Variants in CDK14 observed in about 807,000 individuals in gnomAD.
CDK14 encodes cyclin-dependent kinase 14.
A neutral mutation model predicts 60.7 loss-of-function variants in CDK14; 34 were observed. That is an observed-to-expected ratio of 0.56 (90% confidence interval 0.43 to 0.75). The LOEUF (loss-of-function observed/expected upper bound fraction) is 0.75. Among genes scored for constraint, CDK14 ranks in the 30% least tolerant of loss-of-function variants. CDK14 has a pLI of 0.00. For missense variants in CDK14, 482 were observed against 564.1 expected (o/e 0.85, Z 1.47); for synonymous variants, 197 against 203.7 (o/e 0.97, Z 0.28).
intron 5 of CDK14, among the ~76,000 whole-genome samples, chr7:90,853,237 T>C (rs1790708009): frequency 6.6e-6 from 1 of 152,180 alleles, no homozygotes. Context: ...TGAAAAACTT[T>C]GTTGGCTGAC....
chr7:90,970,736 T>C (rs1011838225), intron 9 of CDK14, among the ~76,000 whole-genome samples: 3 of 152,232 alleles, frequency 2.0e-5, no homozygotes, highest in African/African-American at 4.8e-5. Context: ...CCATGGAGAC[T>C]GCTGGAGTTC....
At chr7:90,954,398 A>G (rs1794346632) in intron 8 of CDK14, among the ~76,000 whole-genome samples, 1 of 152,138 alleles carries the variant, frequency 6.6e-6, no homozygotes, top group East Asian at 1.9e-4. Flanking sequence ...AATACTTTAT[A>G]CTTGTCACTA....
At chr7:90,650,320 G>A (rs1800603773) in intron 2 of CDK14, among the ~76,000 whole-genome samples, 1 of 149,486 alleles carries the variant, frequency 6.7e-6, no homozygotes, top group African/African-American at 2.4e-5. Context: ...TTTTTTTCTT[G>A]TAAATTTGTT....
chr7:90,609,505 G>T (rs1230462455), intron 2 of CDK14, among the ~76,000 whole-genome samples: 1 of 152,126 alleles, frequency 6.6e-6, no homozygotes, highest in Non-Finnish European at 1.5e-5. Flanking sequence ...GGGAATTCTT[G>T]TGAGAGCTGG....
At chr7:91,070,916 A>G (rs923710236) in intron 11 of CDK14, among the ~76,000 whole-genome samples, 2 of 152,328 alleles carry the variant, frequency 1.3e-5, no homozygotes, top group Admixed American at 6.5e-5. Flanking sequence ...ACATAAATAG[A>G]TAAGTATTAA....
At position 90,712,742 on chromosome 7, in the gene CDK14, C is replaced by T. The variant is rs148765822; in HGVS notation, c.124-13825C>T. Among the ~76,000 whole-genome samples the T allele has an allele frequency of 3.7e-3, 568 of 152,128 alleles. 9 individuals are homozygous for T. Among genetic ancestry groups the T allele is most frequent in the African/African-American group, 0.013 (540 of 41,530 alleles). On this transcript the variant is annotated intron_variant, in intron 2 of 14. Transcript: ENST00000380050. ...TTTCACATCAATTCTTTGCTGATAG[C>T]AGCATTCAGCTGAAATAATTGGAAG... is the stretch of plus-strand genomic sequence containing the variant.
At chr7:90,598,895 G>A (rs1255650657) in intron 1 of CDK14, among the ~76,000 whole-genome samples, 2 of 150,624 alleles carry the variant, frequency 1.3e-5, no homozygotes, top group Admixed American at 6.6e-5. Flanking sequence ...TAGTAGAGAC[G>A]GGGTTTCACC....
chr7:90,619,991 C>A (rs184362673), intron 2 of CDK14, among the ~76,000 whole-genome samples: 6 of 151,824 alleles, frequency 4.0e-5, no homozygotes, highest in Non-Finnish European at 8.8e-5. Flanking sequence ...GCAAGACTCT[C>A]GAAACAACAA....
At chr7:90,863,078 G>A (rs1791059937) in intron 5 of CDK14, 97 bp from the exon 6 acceptor site, 1 of 577,904 alleles carries the variant, frequency 1.7e-6, no homozygotes, top group Non-Finnish European at 3.1e-6. Flanking sequence ...TGTGAAAATA[G>A]ATATCTCTCA....
chr7:90,689,652 G>A (rs1415276822), intron 2 of CDK14, among the ~76,000 whole-genome samples: 1 of 152,078 alleles, frequency 6.6e-6, no homozygotes, highest in Non-Finnish European at 1.5e-5. Flanking sequence ...TGTTCCTTGG[G>A]GAAGGGTAAG....
chr7:90,863,137 C>A, intron 5 of CDK14, 38 bp from the exon 6 acceptor site: 3 of 1,128,462 alleles, frequency 2.7e-6, no homozygotes, highest in Non-Finnish European at 4.0e-6. Context: ...TGATTGTTAT[C>A]CACGATAAAT....
At chr7:90,817,062 G>A (rs1050873067) in intron 5 of CDK14, among the ~76,000 whole-genome samples, 5 of 152,206 alleles carry the variant, frequency 3.3e-5, no homozygotes, top group South Asian at 2.1e-4. Context: ...CAAAAAACAC[G>A]TCATTCAGAT....
At chr7:91,206,523 G>A (rs1417779657) in intron 14 of CDK14, among the ~76,000 whole-genome samples, 5 of 152,144 alleles carry the variant, frequency 3.3e-5, no homozygotes, top group Non-Finnish European at 5.9e-5. Flanking sequence ...AAGGAAGTAC[G>A]GAAAGGGACA....
chr7:90,931,588 T>C (rs1271343472), intron 8 of CDK14, among the ~76,000 whole-genome samples: 1 of 152,218 alleles, frequency 6.6e-6, no homozygotes, highest in Non-Finnish European at 1.5e-5. Context: ...TGTGTATGGC[T>C]GATGTGATGG....
chr7:90,969,262 A>G (rs1260493363), intron 9 of CDK14, among the ~76,000 whole-genome samples: 1 of 152,192 alleles, frequency 6.6e-6, no homozygotes, highest in Admixed American at 6.5e-5. Flanking sequence ...CCATTTCAGC[A>G]TTCTTACCCA....
At chr7:90,848,382 T>C (rs1406058329) in intron 5 of CDK14, among the ~76,000 whole-genome samples, 1 of 152,186 alleles carries the variant, frequency 6.6e-6, no homozygotes, top group Admixed American at 6.5e-5. Flanking sequence ...TTGCCTGGCC[T>C]GAGCCACAGT....
At chr7:90,713,916 G>A (rs577983642) in intron 2 of CDK14, among the ~76,000 whole-genome samples, 3 of 151,988 alleles carry the variant, frequency 2.0e-5, no homozygotes, top group African/African-American at 7.2e-5. Context: ...TTCTTATGAG[G>A]TTGTTGTAGA....
intron 10 of CDK14, among the ~76,000 whole-genome samples, chr7:91,030,432 G>C (rs1395289120): frequency 6.6e-6 from 1 of 152,038 alleles, no homozygotes; most frequent in African/African-American, 2.4e-5. Flanking sequence ...GTTACTGTGG[G>C]CATAGCACCC....
At chr7:90,612,545 G>T (rs1232747960) in intron 2 of CDK14, among the ~76,000 whole-genome samples, 8 of 152,132 alleles carry the variant, frequency 5.3e-5, no homozygotes, top group African/African-American at 1.9e-4. Flanking sequence ...GTCGAGGCAG[G>T]TGGATCACTT....
Sources: gnomAD v4.1 joint callset for allele counts (sites outside exome capture counted in the v4.1 genomes callset) on GRCh38, gnomAD v4.1.1 for gene constraint, MANE v1.5 for transcripts, NCBI Gene and HGNC (gene_info 2026-07-23, HGNC 2026-07-21) for gene names.